The following CFLAR variants were observed in gnomAD, a reference collection of about 807,000 sequenced individuals.
CFLAR encodes the protein CASP8 and FADD like apoptosis regulator.
A neutral mutation model predicts 51.1 loss-of-function variants in CFLAR; 14 were observed. That is an observed-to-expected ratio of 0.27 (90% CI 0.18 to 0.43). The LOEUF is 0.43. Among genes scored for constraint, CFLAR ranks in the 20% least tolerant of loss-of-function variants. The pLI, the probability that CFLAR is intolerant of heterozygous loss-of-function variation, is 1.00. For missense variants in CFLAR, 390 were observed against 566.5 expected (o/e 0.69, Z 3.16); for synonymous variants, 210 against 211.6 (o/e 0.99, Z 0.06).
intron 1 of CFLAR, among the ~76,000 whole-genome samples, chr2:201,119,603 C>A (rs2047966837): frequency 6.6e-6 from 1 of 151,004 alleles, no homozygotes. Context: ...CCTGTCATCT[C>A]CCCTCAGAAG....
intron 8 of CFLAR, among the ~76,000 whole-genome samples, chr2:201,150,726 G>A (rs1941144158): frequency 1.3e-5 from 2 of 152,114 alleles, no homozygotes; most frequent in South Asian, 2.1e-4. Context: ...TAGGGACCAG[G>A]CCTAAAAGTG....
intron 5 of CFLAR, chr2:201,141,858 C>T (rs148966242): frequency 6.2e-6 from 1 of 160,774 alleles, no homozygotes; most frequent in Non-Finnish European, 1.3e-5. Context: ...GTAGTGAGGA[C>T]TTAGAGCCGG....
intron 4 of CFLAR, chr2:201,137,848 C>T (rs545321436): frequency 3.3e-5 from 32 of 966,614 alleles, no homozygotes; most frequent in African/African-American, 4.8e-5. Context: ...AGCTGCATTC[C>T]GTCTGAGAAG....
intron 8 of CFLAR, 52 bp from the exon 9 acceptor site, chr2:201,160,380 A>G: frequency 1.9e-6 from 3 of 1,562,806 alleles, no homozygotes; most frequent in Non-Finnish European, 2.6e-6. Context: ...AGTCCTCTTG[A>G]GCTCTCCTCA....
rs112090283 is a variant in CFLAR at position 201,142,280 on chromosome 2, G to GAA, written c.606+1849_606+1850dup. Among the ~76,000 whole-genome samples the GAA allele has an allele frequency of 1.4e-4, 20 of 145,954 alleles. No individual in the cohort carries two copies. In the South Asian group the frequency reaches 3.6e-3, roughly 26 times the overall value. On this transcript the variant is annotated intron_variant, in intron 5 of 9. Transcript: ENST00000309955. ...ACAGAGTGAGACCTTGTCTCTAAAA[G>GAA]AAAAAAAAATATTATATATATATAT...
At position 201,134,640 on chromosome 2, in the gene CFLAR, TTAAAATAAAATAAAA is replaced by T. The variant is rs60192551; in HGVS notation, c.388-1301_388-1287del. Reference sequence around the variant, plus strand: ...ATAGAGCCAGACTCCATCTCAAAAATTAAAATAAAATAAAATAAAATAAAATAAAATAAAATAAAA... The same window carrying T: ...ATAGAGCCAGACTCCATCTCAAAAATTAAAATAAAATAAAATAAAATAAAA... On this transcript the variant is annotated intron_variant, in intron 3 of 9. Coordinates refer to ENST00000309955, the MANE Select transcript of CFLAR (RefSeq NM_003879.7). 2.2e-3 allele frequency among the ~76,000 whole-genome samples: 309 copies of T among 142,914 alleles called. 3 individuals are homozygous for T. The highest frequency in any genetic ancestry group is 0.01 in the Admixed American group (151 of 14,486). The allele number at this position is 142,914 out of a possible 152,430, so 93.8% of individuals were successfully genotyped here. A position where few individuals can be genotyped will look rare whatever the true frequency, so the allele number is the denominator to read the frequency against.
chr2:201,136,533 A>G (rs2050153396), intron 4 of CFLAR: 1 of 1,515,566 alleles, frequency 6.6e-7, no homozygotes, highest in Non-Finnish European at 8.8e-7. Context: ...GTTTCACAAA[A>G]CCTCCTTATG....
intron 4 of CFLAR, 26 bp from the exon 5 acceptor site, chr2:201,140,331 T>C (rs761798866): frequency 3.8e-6 from 6 of 1,588,762 alleles, no homozygotes; most frequent in Non-Finnish European, 5.2e-6. Flanking sequence ...AAGTTTTAAC[T>C]CAGTACCTCC....
chr2:201,148,915 AGTT>A, intron 6 of CFLAR, 85 bp from the exon 7 acceptor site: 1 of 849,786 alleles, frequency 1.2e-6, no homozygotes, highest in Admixed American at 1.9e-5. Context: ...AAGGGAGAAC[AGTT>A]GTTATACAAA....
intron 7 of CFLAR, 81 bp downstream of exon 7, chr2:201,149,133 T>A: frequency 1.1e-6 from 1 of 938,318 alleles, no homozygotes; most frequent in Non-Finnish European, 1.7e-6. Flanking sequence ...ACCTGTCCAT[T>A]AAGAATTCTT....
Position 201,130,000 on chromosome 2 carries a change from G to C in CFLAR, c.135G>C (p.Arg45=). The C allele has an allele frequency of 6.2e-7, 1 of 1,614,138 alleles. No individual in the cohort carries two copies. Among genetic ancestry groups the C allele is most frequent in the Non-Finnish European group, 8.5e-7 (1 of 1,180,034 alleles). The part of the protein sequence containing the change: ...PNVRDLLDIL[R]ERGKLSVGDL... ...TCAGGGACCTTCTGGATATTTTACG[G>C]GAAAGAGGTAAGCTGTCTGTCGGGG... Residue 45 remains arginine, a synonymous_variant, in exon 2 of 10, where the codon CGG becomes CGC. Coordinates refer to ENST00000309955, the MANE Select transcript of CFLAR (RefSeq NM_003879.7).
At position 201,169,360 on chromosome 2, in the gene CFLAR, GAA is replaced by G. The variant is rs767198007; in HGVS notation, c.*5390_*5391del. Reference sequence around the variant, plus strand: ...AAACCTGACAAAAACAAGCAATGGGGAAAAGATTCCCTATTTAATAAATGGTG... The same window carrying G: ...AAACCTGACAAAAACAAGCAATGGGGAAGATTCCCTATTTAATAAATGGTG... On this transcript the variant is annotated 3_prime_UTR_variant, in exon 10 of 10. Transcript: ENST00000309955. 3.9e-5 allele frequency: 6 copies of G among 152,180 alleles called. No individual in the cohort carries two copies. The highest frequency in any genetic ancestry group is 1.2e-4 in the African/African-American group (5 of 41,434). The allele number at this position is 152,180 out of a possible 1,614,324, so 9.4% of individuals were successfully genotyped here.
In CFLAR at chr2:201,137,240, G is replaced by GA. The variant is rs200733692; in HGVS notation, c.523+1136dup. ...GCTGGGCTGGAGCAGGCTGCAGCAA[G>GA]AAAGACCTGAGGCAGGCACAGGGCC... On this transcript the variant is annotated intron_variant, in intron 4 of 9. Coordinates refer to ENST00000309955, the MANE Select transcript of CFLAR (RefSeq NM_003879.7). The GA allele has an allele frequency of 9.6e-3, 2,149 of 222,806 alleles. 22 individuals carry two copies. Among genetic ancestry groups the GA allele is most frequent in the Non-Finnish European group, 0.012 (1,341 of 110,642 alleles). The allele number at this position is 222,806 out of a possible 1,614,324, so 13.8% of individuals were successfully genotyped here.
At position 201,169,061 on chromosome 2, in the gene CFLAR, A is replaced by AT. The variant is rs1943847669; in HGVS notation, c.*5090dup. 6.6e-6 allele frequency: 1 copy of AT among 152,214 alleles called. No homozygotes were observed. The highest frequency in any genetic ancestry group is 6.5e-5 in the Admixed American group (1 of 15,274). 9.4% of individuals were successfully genotyped at this position (152,214 alleles called of 1,614,324 possible). ...CAAAGTAATTTATAGGTTCATTGCT[A>AT]TTCCCATTAAACTACTATTGACATT... On this transcript the variant is annotated 3_prime_UTR_variant, in exon 10 of 10. Transcript: ENST00000309955.
chr2:201,141,699 A>AT, intron 5 of CFLAR: 4 of 1,025,122 alleles, frequency 3.9e-6, no homozygotes, highest in Non-Finnish European at 4.7e-6. Context: ...GTTCATGAGC[A>AT]TAAGTGTATC....
At position 201,170,932 on chromosome 2, in the gene CFLAR, C is replaced by T. The variant is rs1003267266; in HGVS notation, c.*6959C>T. 1.7e-4 allele frequency: 26 copies of T among 152,198 alleles called. No individual in the cohort carries two copies. Among genetic ancestry groups the T allele is most frequent in the African/African-American group, 5.5e-4 (23 of 41,452 alleles). 9.4% of individuals were successfully genotyped at this position (152,198 alleles called of 1,614,324 possible). A position where few individuals can be genotyped will look rare whatever the true frequency, so the allele number is the denominator to read the frequency against. ...TGCCACTATGGATGAATCTTATTTA[C>T]TCAATATTAATTACTTACAAATAAC... is the stretch of plus-strand genomic sequence containing the variant. On this transcript the variant is annotated 3_prime_UTR_variant, in exon 10 of 10. Transcript: ENST00000309955.
chr2:201,163,340 C>T, intron 9 of CFLAR: 1 of 1,182,418 alleles, frequency 8.5e-7, no homozygotes, highest in South Asian at 2.4e-5. Context: ...GATTAACTGG[C>T]CTTTTTCAGT....
rs1022069907 is a variant in CFLAR at position 201,165,654 on chromosome 2, C to G, written c.*1681C>G. On this transcript the variant is annotated 3_prime_UTR_variant, in exon 10 of 10. Coordinates refer to ENST00000309955, the MANE Select transcript of CFLAR (RefSeq NM_003879.7). ...AGGGTGATTTGGCAGGGTCACAGGA[C>G]AATAGTGGAGGGAAGGTCAGCAGAT... 3.2e-5 allele frequency: 5 copies of G among 155,114 alleles called. No homozygotes were observed. Among genetic ancestry groups the G allele is most frequent in the African/African-American group, 1.2e-4 (5 of 41,298 alleles). 9.6% of individuals were successfully genotyped at this position (155,114 alleles called of 1,614,324 possible). A position where few individuals can be genotyped will look rare whatever the true frequency, so the allele number is the denominator to read the frequency against.
At chr2:201,141,002 G>A (rs1232891993) in intron 5 of CFLAR, among the ~76,000 whole-genome samples, 3 of 152,014 alleles carry the variant, frequency 2.0e-5, no homozygotes, top group African/African-American at 7.2e-5. Context: ...AGGCCGAGCC[G>A]GAAGGATCAC....
Sources: allele counts gnomAD v4.1 joint callset (sites outside exome capture counted in the v4.1 genomes callset), GRCh38; gene constraint gnomAD v4.1.1; transcripts MANE v1.5; gene names NCBI Gene and HGNC (gene_info 2026-07-23, HGNC 2026-07-21).